Variants in SI observed in about 807,000 individuals in gnomAD.
SI encodes the protein sucrase-isomaltase, intestinal.
Under a neutral mutation model 253.3 loss-of-function variants are expected in SI, and 235 were observed. The ratio of observed to expected loss-of-function variants is 0.93; its 90% CI spans 0.83 to 1.03. The LOEUF (loss-of-function observed/expected upper bound fraction) is 1.03. Among genes scored for constraint, SI ranks in the 50% least tolerant of loss-of-function variants. The pLI is 0.00. For synonymous variants in SI, 819 were observed against 712.0 expected (o/e 1.15, Z -2.39); for missense variants, 2,442 against 2,211.1 (o/e 1.10, Z -2.09).
intron 15 of SI, among the ~76,000 whole-genome samples, 196 bp from the exon 16 acceptor site, chr3:165,047,208 G>C (rs1460923096): frequency 1.3e-5 from 2 of 151,986 alleles, no homozygotes; most frequent in African/African-American, 4.8e-5. Flanking sequence ...TGAATTATGG[G>C]GGTGGGTCTT....
At chr3:165,081,547 A>G (rs1715323156), upstream of SI, among the ~76,000 whole-genome samples, 2 of 152,200 alleles carry the variant, frequency 1.3e-5, no homozygotes, top group East Asian at 1.9e-4. Context: ...ACATGATTTA[A>G]TATACTAGTT....
At chr3:165,059,375 G>T in intron 10 of SI, 76 bp from the exon 11 acceptor site, 1 of 1,361,928 alleles carries the variant, frequency 7.3e-7, no homozygotes, top group Non-Finnish European at 1.0e-6. Context: ...TAACTCCATT[G>T]AACGTGTATT....
At chr3:165,028,653 A>T (rs1486446703) in intron 25 of SI, among the ~76,000 whole-genome samples, 1 of 150,880 alleles carries the variant, frequency 6.6e-6, no homozygotes, top group Non-Finnish European at 1.5e-5. Context: ...GAGCCACCTG[A>T]TCTTCGATAA....
Position 164,991,414 on chromosome 3 carries a change from G to A in SI, c.5047C>T (p.Leu1683=). ...AGGATGTGACCACCACGGACATGTA[G>A]GTTTATTGTGTCATAAGAAGCATTA... ...TFNASYDTIN[L]HVRGGHILPC... The change falls in exon 44 of 48, where the codon CTA becomes TTA. Residue 1683 remains leucine, a synonymous_variant. Transcript: ENST00000264382. 5 of 1,613,430 alleles carry A rather than the reference G, an allele frequency of 3.1e-6. No individual in the cohort carries two copies. Among genetic ancestry groups the A allele is most frequent in the East Asian group, 2.2e-5 (1 of 44,826 alleles).
At chr3:165,013,854 G>T (rs560826019) in intron 33 of SI, among the ~76,000 whole-genome samples, 1 of 152,168 alleles carries the variant, frequency 6.6e-6, no homozygotes, top group Admixed American at 6.5e-5. Flanking sequence ...TGCCTCTCAA[G>T]TAGCTGGGGC....
rs1361762816 is a variant in SI, at chr3:165,032,697, G to T, written c.2566-5C>A. On this transcript the variant is annotated splice_polypyrimidine_tract_variant and splice_region_variant and intron_variant, in intron 23 of 47. Transcript: ENST00000264382. ...GCACACAATATCTAATGTGTTCTGA[G>T]AAAAATAGTATAAGATATTATATAT... The T allele has an allele frequency of 6.4e-7, 1 of 1,568,902 alleles. No homozygotes were observed. The highest frequency in any genetic ancestry group is 1.1e-5 in the South Asian group (1 of 89,766).
chr3:165,026,843 A>G (rs532858188), intron 25 of SI, among the ~76,000 whole-genome samples: 1 of 151,452 alleles, frequency 6.6e-6, no homozygotes, highest in African/African-American at 2.4e-5. Context: ...GAAAGTTCAT[A>G]GCCCTAAATG....
At chr3:165,034,772 C>T (rs923932300) in intron 22 of SI, among the ~76,000 whole-genome samples, 22 of 151,998 alleles carry the variant, frequency 1.4e-4, no homozygotes, top group African/African-American at 4.8e-4. Context: ...CTCGATAAAA[C>T]TCCGTCTCCT....
intron 47 of SI, among the ~76,000 whole-genome samples, chr3:164,981,318 G>C (rs1717180101): frequency 6.6e-6 from 1 of 152,038 alleles, no homozygotes; most frequent in African/African-American, 2.4e-5. Flanking sequence ...TAGGATGGGT[G>C]TTGAGTTTCA....
chr3:165,088,441 G>A, the SI span, among the ~76,000 whole-genome samples: 1 of 151,904 alleles, frequency 6.6e-6, no homozygotes, highest in African/African-American at 2.4e-5. Context: ...TCAGGAGTTC[G>A]AGACCAGCCT....
chr3:165,070,740 C>A (rs1030528813), intron 3 of SI, among the ~76,000 whole-genome samples: 4 of 151,972 alleles, frequency 2.6e-5, no homozygotes, highest in African/African-American at 4.8e-5. Flanking sequence ...AATAGGCTTA[C>A]GTTAATTTCC....
chr3:165,028,072 A>C, intron 25 of SI, among the ~76,000 whole-genome samples: 1 of 151,500 alleles, frequency 6.6e-6, no homozygotes, highest in East Asian at 1.9e-4. Context: ...TAGAACTGAT[A>C]AAATAGTTCA....
At chr3:164,991,576 C>T (rs1165775085) in intron 43 of SI, 99 bp from the exon 44 acceptor site, 4 of 1,267,244 alleles carry the variant, frequency 3.2e-6, no homozygotes, top group African/African-American at 3.0e-5. Context: ...TCAAATGATA[C>T]ACTTTTAGAT....
chr3:165,032,984 G>A (rs754172216), intron 23 of SI, among the ~76,000 whole-genome samples: 2 of 151,358 alleles, frequency 1.3e-5, no homozygotes, highest in Admixed American at 1.3e-4. Flanking sequence ...AAAGAAGAAT[G>A]TATGAAAAAA....
intron 15 of SI, among the ~76,000 whole-genome samples, chr3:165,047,515 C>A (rs1341052514): frequency 1.3e-5 from 2 of 151,906 alleles, no homozygotes; most frequent in African/African-American, 2.4e-5. Context: ...AATTTTATAT[C>A]AATTTTGTAT....
At chr3:164,993,948 G>A (rs911510302) in intron 41 of SI, among the ~76,000 whole-genome samples, 1 of 151,668 alleles carries the variant, frequency 6.6e-6, no homozygotes, top group Non-Finnish European at 1.5e-5. Context: ...CCCTGGAAAT[G>A]TTGAGAATAG....
intron 45 of SI, among the ~76,000 whole-genome samples, chr3:164,983,583 A>G (rs1329584158): frequency 1.3e-5 from 2 of 152,008 alleles, no homozygotes; most frequent in African/African-American, 2.4e-5. Flanking sequence ...AGGTATAATC[A>G]TTATTTTTTA....
intron 13 of SI, among the ~76,000 whole-genome samples, chr3:165,054,535 A>G (rs1157725199): frequency 1.3e-5 from 2 of 152,024 alleles, no homozygotes; most frequent in Admixed American, 6.6e-5. Flanking sequence ...TTGTATTTTT[A>G]GTAGAGACGG....
Position 165,019,636 on chromosome 3 carries a change from G to A in SI, c.3389C>T (p.Thr1130Ile), listed in dbSNP as rs1450234699. The A allele has an allele frequency of 4.3e-6, 7 of 1,612,390 alleles. No homozygotes were observed. Among genetic ancestry groups the A allele is most frequent in the Non-Finnish European group, 5.1e-6 (6 of 1,179,016 alleles). Residue 1130 changes from threonine to isoleucine, a missense_variant, in exon 28 of 48, where the codon ACT becomes ATT. Thr to Ile is a moderately conservative substitution (Grantham distance 89). Coordinates refer to ENST00000264382, the MANE Select transcript of SI (RefSeq NM_001041.4). Reference sequence around the variant, plus strand: ...TTGGTCTCTTGTGAACATTCCCCAAGTATTCCAGTTCAGATCTCGCTTAAA... The same window carrying A: ...TTGGTCTCTTGTGAACATTCCCCAAATATTCCAGTTCAGATCTCGCTTAAA... Reference protein sequence around the residue: ...TAFKRDLNWNTWGMFTRDQPP... With the variant: ...TAFKRDLNWNIWGMFTRDQPP...
Sources: allele counts gnomAD v4.1 joint callset (sites outside exome capture counted in the v4.1 genomes callset), GRCh38; gene constraint gnomAD v4.1.1; transcripts MANE v1.5; gene names NCBI Gene and HGNC (gene_info 2026-07-23, HGNC 2026-07-21).